The following PM20D1 variants were observed in gnomAD, a reference collection of about 807,000 sequenced individuals.
PM20D1 encodes N-fatty-acyl-amino acid synthase/hydrolase PM20D1.
A neutral mutation model predicts 53.8 loss-of-function variants in PM20D1; 53 were observed. The ratio of observed to expected loss-of-function variants is 0.98; its 90% CI spans 0.79 to 1.24. The LOEUF (loss-of-function observed/expected upper bound fraction) is 1.24. Ranked by LOEUF, PM20D1 falls within the 50% of genes most tolerant of loss-of-function variation. The pLI is 0.00. For missense variants in PM20D1, 564 were observed against 616.8 expected, an observed-to-expected ratio of 0.91 and a Z score of 0.91; for synonymous variants, 239 against 241.3, an observed-to-expected ratio of 0.99 and a Z score of 0.09.
At chr1:205,842,970 C>T (rs1012023527) in intron 6 of PM20D1, among the ~76,000 whole-genome samples, 1 of 152,156 alleles carries the variant, frequency 6.6e-6, no homozygotes, top group African/African-American at 2.4e-5. Flanking sequence ...GTCCTTCTTT[C>T]CTCCCTCTGC....
chr1:205,847,778 T>C, intron 2 of PM20D1, 107 bp downstream of exon 2: 2 of 776,874 alleles, frequency 2.6e-6, no homozygotes, highest in Non-Finnish European at 4.4e-6. Flanking sequence ...GGGAATTAGA[T>C]TGTCCTCTGA....
chr1:205,830,334 G>A lies in PM20D1; in HGVS notation c.1331C>T (p.Thr444Ile). The A allele has an allele frequency of 6.2e-7, 1 of 1,613,182 alleles. No homozygotes were observed. Among genetic ancestry groups the A allele is most frequent in the Non-Finnish European group, 8.5e-7 (1 of 1,179,164 alleles). ...GGGGTAGAACCTGTAGATGCCAGTG[G>A]TGAGGTTTGTAAAGAATCGGCTGTC... is the stretch of plus-strand genomic sequence containing the variant. ...NTDSRFFTNL[T>I]TGIYRFYPIY... is the part of the protein sequence containing the mutation. Residue 444 changes from threonine to isoleucine, a missense_variant, in exon 12 of 13, where the codon ACC (threonine) becomes ATC (isoleucine). Coordinates refer to ENST00000367136, the MANE Select transcript of PM20D1 (RefSeq NM_152491.5).
In PM20D1 at chr1:205,845,417, C is replaced by T. The variant is rs141063713; in HGVS notation, c.397G>A (p.Glu133Lys). 38 of 1,614,220 alleles carry T rather than the reference C, an allele frequency of 2.4e-5. No homozygotes were observed. Among genetic ancestry groups the T allele is most frequent in the Non-Finnish European group, 3.2e-5 (38 of 1,180,046 alleles). ...MAHFDVVPAP[E>K]EGWEVPPFSG... ...AATGGGGGCACCTCCCAGCCTTCTT[C>T]AGGGGCAGGCACCACATCAAAGTGA... Residue 133 changes from glutamate (E) to lysine (K), a missense_variant, in exon 3 of 13, where the codon GAA becomes AAA. Physicochemically the swap from Glu to Lys is moderately conservative, Grantham distance 56. Transcript: ENST00000367136.
At chr1:205,839,242 C>T (rs973833487) in intron 10 of PM20D1, among the ~76,000 whole-genome samples, 1 of 152,174 alleles carries the variant, frequency 6.6e-6, no homozygotes, top group East Asian at 1.9e-4. Context: ...TTACTTCTAG[C>T]CAAGTTCTGT....
intron 10 of PM20D1, among the ~76,000 whole-genome samples, chr1:205,836,900 A>G (rs976803897): frequency 1.1e-4 from 17 of 152,346 alleles, no homozygotes; most frequent in African/African-American, 3.4e-4. Flanking sequence ...TGTCAAAATT[A>G]GAGGGCATCT....
chr1:205,835,208 C>G (rs1656656985), intron 10 of PM20D1, among the ~76,000 whole-genome samples: 1 of 152,152 alleles, frequency 6.6e-6, no homozygotes, highest in Admixed American at 6.5e-5. Flanking sequence ...GGATATGAAA[C>G]TGACAGAGAC....
intron 2 of PM20D1, among the ~76,000 whole-genome samples, chr1:205,846,802 A>T (rs114984993): frequency 0.075 from 11,421 of 151,968 alleles, 558 homozygotes; most frequent in African/African-American, 0.14. Flanking sequence ...AATTCACATA[A>T]ACTTCTGTGG....
At chr1:205,842,070 G>A in intron 8 of PM20D1, 84 bp downstream of exon 8, 1 of 1,391,754 alleles carries the variant, frequency 7.2e-7, no homozygotes, top group Non-Finnish European at 1.0e-6. Flanking sequence ...TGATTAGTCA[G>A]GCCCAGTTAA....
intron 4 of PM20D1, among the ~76,000 whole-genome samples, chr1:205,844,539 G>A (rs777339214): frequency 3.9e-5 from 6 of 151,918 alleles, no homozygotes; most frequent in South Asian, 2.1e-4. Context: ...TCCATCACAC[G>A]TATGTTTCTT....
rs142134039 is a variant in PM20D1, at chr1:205,832,637, C to T, written c.1246G>A (p.Val416Ile). 4.1e-5 allele frequency: 66 copies of T among 1,613,918 alleles called. No homozygotes were observed. The African/African-American group carries it at 5.1e-4, about 12-fold the overall frequency. Residue 416 changes from valine to isoleucine, a missense_variant, in exon 11 of 13, where the codon GTA (valine) becomes ATA (isoleucine). Val to Ile is a conservative substitution (Grantham distance 29, BLOSUM62 3). Transcript: ENST00000367136. ...ALGYQLLRQT[V>I]QSVFPEVNIT... ...TTGACTTCCGGGAAGACGGACTGTACGGTCTGGCGGAGCAGCTGGTAGCCC... is the reference window on the plus strand; with the variant it reads ...TTGACTTCCGGGAAGACGGACTGTATGGTCTGGCGGAGCAGCTGGTAGCCC...
intron 12 of PM20D1, 33 bp downstream of exon 12, chr1:205,830,247 C>T: frequency 6.8e-7 from 1 of 1,464,400 alleles, no homozygotes; most frequent in Middle Eastern, 1.8e-4. Flanking sequence ...TATTTCTTTT[C>T]TCCCACCTGC....
chr1:205,842,073 C>T (rs976666193), intron 8 of PM20D1, 81 bp downstream of exon 8: 40 of 1,414,124 alleles, frequency 2.8e-5, no homozygotes, highest in South Asian at 4.7e-5. Flanking sequence ...TTAGTCAGGC[C>T]CAGTTAAGCC....
At chr1:205,844,002 A>G in intron 5 of PM20D1, 85 bp downstream of exon 5, 1 of 1,536,326 alleles carries the variant, frequency 6.5e-7, no homozygotes, top group Non-Finnish European at 8.8e-7. Context: ...GAGTTGTCTC[A>G]GCATGGCTCA....
chr1:205,837,367 C>T (rs1482020239), intron 10 of PM20D1, among the ~76,000 whole-genome samples: 1 of 152,230 alleles, frequency 6.6e-6, no homozygotes, highest in African/African-American at 2.4e-5. Context: ...AAACATCTCC[C>T]ACTGGCCTTC....
rs373953574 is a variant in PM20D1 at position 205,832,706 on chromosome 1, C to T, written c.1177G>A (p.Ala393Thr). 14 of 1,613,720 alleles carry T rather than the reference C, an allele frequency of 8.7e-6. No homozygotes were observed. In the African/African-American group the frequency reaches 1.3e-4, roughly 15 times the overall value. ...DNRVQFHVLS[A>T]FDPLPVSPSD... is the part of the protein sequence containing the mutation. ...GGGCTGACGGGGAGGGGGTCAAAGG[C>T]ACTCAACACATGGAACTGGACTCTG... Residue 393 changes from alanine (A) to threonine (T), a missense_variant, in exon 11 of 13, where the codon GCC becomes ACC. Physicochemically the swap from Ala to Thr is moderately conservative, Grantham distance 58 (BLOSUM62 0). Transcript: ENST00000367136.
chr1:205,843,718 G>A lies in PM20D1; in HGVS notation c.776C>T (p.Ser259Leu), dbSNP rs1656871768. 1 of 1,614,190 alleles carries A rather than the reference G, an allele frequency of 6.2e-7. No homozygotes were observed. Among genetic ancestry groups the A allele is most frequent in the East Asian group, 2.2e-5 (1 of 44,884 alleles). Residue 259 changes from serine to leucine, a missense_variant, in exon 6 of 13, where the codon TCA (serine) becomes TTA (leucine). Physicochemically the swap from Ser to Leu is moderately radical, Grantham distance 145 (BLOSUM62 -2). Coordinates refer to ENST00000367136, the MANE Select transcript of PM20D1 (RefSeq NM_152491.5). ...AATGCTTGTCTCCTTTGGAGGAGCTGAAGAGTGGCCTGAAGTCATGTTTAC... is the reference window on the plus strand; with the variant it reads ...AATGCTTGTCTCCTTTGGAGGAGCTAAAGAGTGGCCTGAAGTCATGTTTAC... ...LQVNMTSGHS[S>L]APPKETSIGI...
In PM20D1 at chr1:205,828,448, C is replaced by T. The variant is rs1471093053; in HGVS notation, c.*172G>A. ...GAGGAAGGGAGAAGCCAGATTTCTGCTGACTTTACCTTACCCCGGCCTTGT... is the reference window on the plus strand; with the variant it reads ...GAGGAAGGGAGAAGCCAGATTTCTGTTGACTTTACCTTACCCCGGCCTTGT... On this transcript the variant is annotated 3_prime_UTR_variant, in exon 13 of 13. Transcript: ENST00000367136. 1.1e-6 allele frequency: 1 copy of T among 925,002 alleles called. No homozygotes were observed. The highest frequency in any genetic ancestry group is 1.7e-5 in the African/African-American group (1 of 59,480). The allele number at this position is 925,002 out of a possible 1,614,324, so 57.3% of individuals were successfully genotyped here.
At chr1:205,832,068 T>C (rs1656574221) in intron 11 of PM20D1, among the ~76,000 whole-genome samples, 1 of 152,126 alleles carries the variant, frequency 6.6e-6, no homozygotes, top group African/African-American at 2.4e-5. Context: ...ATTCCACTCT[T>C]AGATTGGAGA....
At position 205,840,300 on chromosome 1, in the gene PM20D1, G is replaced by T. The variant is rs140552013; in HGVS notation, c.1068C>A (p.Ala356=). The T allele has an allele frequency of 6.8e-6, 11 of 1,613,932 alleles. No homozygotes were observed. In the African/African-American group the frequency reaches 1.5e-4, roughly 22 times the overall value. Residue 356 remains alanine (A), a synonymous_variant, in exon 10 of 13, where the codon GCC becomes GCA. Coordinates refer to ENST00000367136, the MANE Select transcript of PM20D1 (RefSeq NM_152491.5). ...GAATCCGGAAGTTGACTGTGGCCTG[G>T]GCCACTGGGGGGATGACATTGAACT... is the stretch of plus-strand genomic sequence containing the variant. ...GVKFNVIPPV[A]QATVNFRIHP... is the part of the protein sequence containing the mutation.
Sources: allele counts gnomAD v4.1 joint callset (sites outside exome capture counted in the v4.1 genomes callset), GRCh38; gene constraint gnomAD v4.1.1; transcripts MANE v1.5; gene names NCBI Gene and HGNC (gene_info 2026-07-23, HGNC 2026-07-21).